PHF21B: variants seen among roughly 807,000 people sequenced by gnomAD.
PHF21B encodes PHD finger protein 4.
A neutral mutation model predicts 62.2 loss-of-function variants in PHF21B; 22 were observed. The observed-to-expected ratio is 0.35, with a 90% CI of 0.25 to 0.51. The LOEUF (loss-of-function observed/expected upper bound fraction) is 0.51. Ranked by LOEUF, PHF21B falls within the 20% of genes least tolerant of loss-of-function variation. The pLI is 0.97. For synonymous variants in PHF21B, 341 were observed against 314.7 expected (o/e 1.08, Z -0.88); for missense variants, 701 against 707.9 (o/e 0.99, Z 0.11).
chr22:44,944,858 T>A (rs1403241591), intron 2 of PHF21B, among the ~76,000 whole-genome samples: 3 of 114,340 alleles, frequency 2.6e-5, no homozygotes, highest in Non-Finnish European at 5.4e-5. Flanking sequence ...AAGGAAGGAC[T>A]TGGGGAAGGA....
intron 2 of PHF21B, among the ~76,000 whole-genome samples, chr22:44,937,280 C>T (rs5766212): frequency 0.11 from 17,426 of 152,208 alleles, 1,655 homozygotes; most frequent in East Asian, 0.35. Flanking sequence ...GCAGTGACTA[C>T]GAGAAAGCCT....
intron 2 of PHF21B, among the ~76,000 whole-genome samples, chr22:44,997,605 T>A (rs912777546): frequency 3.9e-5 from 6 of 152,242 alleles, no homozygotes; most frequent in African/African-American, 7.2e-5. Flanking sequence ...GCAAGCTGCA[T>A]CTCACATTAA....
chr22:44,980,078 A>G (rs1284672788), intron 2 of PHF21B, among the ~76,000 whole-genome samples: 2 of 147,902 alleles, frequency 1.4e-5, no homozygotes, highest in African/African-American at 5.2e-5. Context: ...CAAAAAAAAA[A>G]AAAAAAAAAA....
At chr22:44,923,875 G>A (rs1327507106) in intron 2 of PHF21B, among the ~76,000 whole-genome samples, 3 of 151,958 alleles carry the variant, frequency 2.0e-5, no homozygotes. Flanking sequence ...GCTGAGCATG[G>A]TAGCACATGC....
intron 2 of PHF21B, among the ~76,000 whole-genome samples, chr22:44,920,866 T>C (rs573126319): frequency 3.3e-5 from 5 of 152,344 alleles, no homozygotes; most frequent in Admixed American, 2.6e-4. Context: ...TATGGGATCT[T>C]CCATTCAGCA....
At chr22:45,006,740 C>G (rs1489339575) in intron 2 of PHF21B, among the ~76,000 whole-genome samples, 1 of 151,930 alleles carries the variant, frequency 6.6e-6, no homozygotes, top group Non-Finnish European at 1.5e-5. Flanking sequence ...TTTTCTTCTT[C>G]TCTCTCTCTT....
At chr22:44,990,365 G>C (rs2073023252) in intron 2 of PHF21B, among the ~76,000 whole-genome samples, 1 of 152,222 alleles carries the variant, frequency 6.6e-6, no homozygotes, top group Admixed American at 6.5e-5. Flanking sequence ...GCACACCCAT[G>C]TTCCTAAGAG....
intron 2 of PHF21B, among the ~76,000 whole-genome samples, chr22:44,938,809 AATATGG>A (rs2071899337): frequency 6.6e-6 from 1 of 152,226 alleles, no homozygotes; most frequent in South Asian, 2.1e-4. Context: ...GGTGGCACTG[AATATGG>A]GGCAGGAAAT....
chr22:44,955,151 G>A (rs955377921), intron 2 of PHF21B, among the ~76,000 whole-genome samples: 30 of 152,178 alleles, frequency 2.0e-4, no homozygotes, highest in African/African-American at 7.2e-4. Flanking sequence ...CCAGAGTCCT[G>A]GCCTCGGAGG....
chr22:44,939,700 G>A (rs540696256), intron 2 of PHF21B, among the ~76,000 whole-genome samples: 24 of 152,282 alleles, frequency 1.6e-4, no homozygotes, highest in Non-Finnish European at 4.4e-5. Flanking sequence ...ATGGGTGGGA[G>A]CAGGGCTAGG....
intron 5 of PHF21B, among the ~76,000 whole-genome samples, chr22:44,912,853 T>C (rs2071366130): frequency 9.9e-6 from 1 of 101,274 alleles, no homozygotes; most frequent in Non-Finnish European, 1.8e-5. Context: ...CACACCAGCA[T>C]GGCTCAAAGA....
chr22:44,976,792 T>G (rs1292074303), intron 2 of PHF21B, among the ~76,000 whole-genome samples: 2 of 152,224 alleles, frequency 1.3e-5, no homozygotes, highest in African/African-American at 4.8e-5. Flanking sequence ...TTCTAAAACG[T>G]GTAACATTTG....
intron 3 of PHF21B, among the ~76,000 whole-genome samples, chr22:44,919,014 C>T (rs1005828295): frequency 2.6e-5 from 4 of 152,180 alleles, no homozygotes; most frequent in Non-Finnish European, 5.9e-5. Flanking sequence ...CTCTCCCTAC[C>T]ACCTCTGCCT....
chr22:44,997,368 T>C (rs964095705), intron 2 of PHF21B, among the ~76,000 whole-genome samples: 5 of 152,186 alleles, frequency 3.3e-5, no homozygotes, highest in African/African-American at 1.2e-4. Context: ...CAGTAACTGT[T>C]CTGTCACCTC....
At chr22:44,965,269 G>A (rs948832905) in intron 2 of PHF21B, among the ~76,000 whole-genome samples, 1 of 151,994 alleles carries the variant, frequency 6.6e-6, no homozygotes, top group African/African-American at 2.4e-5. Flanking sequence ...TATGTGGATG[G>A]CCACGCTCAT....
intron 2 of PHF21B, among the ~76,000 whole-genome samples, chr22:45,006,245 A>T (rs6007409): frequency 0.08 from 12,199 of 152,316 alleles, 513 homozygotes; most frequent in Middle Eastern, 0.14. Flanking sequence ...CCTCGCAGTT[A>T]AAAACACAAG....
rs1463493742 is a variant in PHF21B, at chr22:44,915,661, A to G, written c.564+619T>C. On this transcript the variant is annotated intron_variant, in intron 4 of 12. Coordinates refer to ENST00000313237, the MANE Select transcript of PHF21B (RefSeq NM_138415.5). Reference sequence around the variant, plus strand: ...TGGGGAAGCAGAAGGTACCCCAGCCATAAGCAAGAGAGGGGCGGCCTGGCA... The same window carrying G: ...TGGGGAAGCAGAAGGTACCCCAGCCGTAAGCAAGAGAGGGGCGGCCTGGCA... Among the ~76,000 whole-genome samples the G allele has an allele frequency of 2.0e-5, 3 of 152,244 alleles. No homozygotes were observed. The East Asian group carries it at 5.8e-4, about 29-fold the overall frequency.
At chr22:45,007,994 A>T (rs897387072) in intron 2 of PHF21B, among the ~76,000 whole-genome samples, 1 of 149,194 alleles carries the variant, frequency 6.7e-6, no homozygotes, top group Non-Finnish European at 1.5e-5. Context: ...CCAAAGTTGG[A>T]GCAGAACTGG....
intron 10 of PHF21B, among the ~76,000 whole-genome samples, chr22:44,887,563 T>C (rs2070881273): frequency 6.6e-6 from 1 of 151,942 alleles, no homozygotes; most frequent in Non-Finnish European, 1.5e-5. Flanking sequence ...GAGACCAGCC[T>C]GGCCAACATG....
Sources: allele counts gnomAD v4.1 joint callset (sites outside exome capture counted in the v4.1 genomes callset), GRCh38; gene constraint gnomAD v4.1.1; transcripts MANE v1.5; gene names NCBI Gene and HGNC (gene_info 2026-07-23, HGNC 2026-07-21).